Variants in HS3ST4 observed in about 807,000 individuals in gnomAD.
The protein encoded by HS3ST4 is heparan sulfate glucosamine 3-O-sulfotransferase 4.
Under a neutral mutation model 29.2 loss-of-function variants are expected in HS3ST4, and 17 were observed. That is an observed-to-expected ratio of 0.58 (90% confidence interval 0.40 to 0.87). The LOEUF (loss-of-function observed/expected upper bound fraction) is 0.87, where lower values mean the gene tolerates loss of function less well. HS3ST4 is among the 40% of genes least tolerant of loss of function. The probability of loss-of-function intolerance (pLI) is 0.00; values close to 1 mark genes in which losing one functional copy is unlikely to be tolerated. For synonymous variants in HS3ST4, 314 were observed against 285.7 expected (o/e 1.10, Z -1.00); for missense variants, 627 against 634.5 (o/e 0.99, Z 0.13).
intron 1 of HS3ST4, among the ~76,000 whole-genome samples, chr16:26,011,187 T>C (rs1475107369): frequency 2.6e-5 from 4 of 152,244 alleles, no homozygotes; most frequent in Admixed American, 1.3e-4. Context: ...GCCAAGCCAG[T>C]AAGATAAATA....
intron 1 of HS3ST4, among the ~76,000 whole-genome samples, chr16:25,969,504 ACAGT>A (rs1468822632): frequency 3.3e-5 from 5 of 152,194 alleles, no homozygotes; most frequent in Non-Finnish European, 5.9e-5. Flanking sequence ...TCATTGCGAA[ACAGT>A]CAGTGAACAT....
At chr16:26,123,063 A>G (rs918792830) in intron 1 of HS3ST4, among the ~76,000 whole-genome samples, 6 of 151,562 alleles carry the variant, frequency 4.0e-5, no homozygotes, top group Non-Finnish European at 5.9e-5. Context: ...CAAAAAAAAA[A>G]AAAACCGGGG....
At chr16:25,984,746 CT>C (rs1221302323) in intron 1 of HS3ST4, among the ~76,000 whole-genome samples, 1 of 152,210 alleles carries the variant, frequency 6.6e-6, no homozygotes, top group Non-Finnish European at 1.5e-5. Context: ...GGACTTCATA[CT>C]TTTTTACAGC....
chr16:26,047,007 T>TA (rs552543911), intron 1 of HS3ST4, among the ~76,000 whole-genome samples: 49 of 151,078 alleles, frequency 3.2e-4, no homozygotes, highest in East Asian at 5.8e-4. Context: ...TCTTGCAAAA[T>TA]AAAAAAAAAG....
At chr16:25,944,081 T>C (rs1596621737) in intron 1 of HS3ST4, among the ~76,000 whole-genome samples, 1 of 152,284 alleles carries the variant, frequency 6.6e-6, no homozygotes, top group Admixed American at 6.5e-5. Flanking sequence ...CTCTTGTCCC[T>C]AGTTGCTGAT....
At chr16:25,820,977 A>G (rs974234328) in intron 1 of HS3ST4, among the ~76,000 whole-genome samples, 1 of 152,016 alleles carries the variant, frequency 6.6e-6, no homozygotes, top group East Asian at 1.9e-4. Flanking sequence ...GGGCTTTGCT[A>G]TAGCTTTTTT....
chr16:26,064,514 A>C (rs990222107), intron 1 of HS3ST4, among the ~76,000 whole-genome samples: 2 of 151,494 alleles, frequency 1.3e-5, no homozygotes, highest in Non-Finnish European at 2.9e-5. Flanking sequence ...CAGATTAAGG[A>C]GAGACTTGAA....
chr16:26,080,739 A>G (rs548425958), intron 1 of HS3ST4, among the ~76,000 whole-genome samples: 1 of 152,238 alleles, frequency 6.6e-6, no homozygotes, highest in South Asian at 2.1e-4. Context: ...ATTAACTCTA[A>G]GGTACCTCCA....
chr16:26,134,976 A>G lies in HS3ST4; in HGVS notation c.735-636A>G, dbSNP rs117785863. On this transcript the variant is annotated intron_variant, in intron 1 of 1. Transcript: ENST00000331351. ...TTATAAACATTGAAATTTGAATTCT[A>G]TATAATTTTCATGCATCACAAAATA... Among the ~76,000 whole-genome samples, 978 of 152,256 alleles carry G rather than the reference A, an allele frequency of 6.4e-3. 38 individuals are homozygous for G. The highest frequency in any genetic ancestry group is 6.0e-3 in the East Asian group (31 of 5,182).
intron 1 of HS3ST4, among the ~76,000 whole-genome samples, chr16:25,848,460 A>T (rs199793503): frequency 6.7e-6 from 1 of 149,448 alleles, no homozygotes; most frequent in Non-Finnish European, 1.5e-5. Flanking sequence ...CGAAAAAATA[A>T]TTTTTTTTTT....
At chr16:25,870,765 G>T (rs1158463370) in intron 1 of HS3ST4, among the ~76,000 whole-genome samples, 1 of 152,138 alleles carries the variant, frequency 6.6e-6, no homozygotes, top group African/African-American at 2.4e-5. Context: ...GATACCAGTA[G>T]GAAACTCTTG....
At chr16:25,982,901 C>T (rs147428164) in intron 1 of HS3ST4, among the ~76,000 whole-genome samples, 17 of 152,288 alleles carry the variant, frequency 1.1e-4, no homozygotes, top group Non-Finnish European at 2.2e-4. Flanking sequence ...AGTCCTAGTC[C>T]GCAGTCTGAA....
chr16:25,716,704 C>T (rs565391554), intron 1 of HS3ST4, among the ~76,000 whole-genome samples: 31 of 152,324 alleles, frequency 2.0e-4, no homozygotes, highest in African/African-American at 7.2e-4. Context: ...GGCAGAGCAT[C>T]TTATGAAGCC....
At chr16:26,060,754 T>C (rs1443729935) in intron 1 of HS3ST4, among the ~76,000 whole-genome samples, 1 of 152,212 alleles carries the variant, frequency 6.6e-6, no homozygotes, top group East Asian at 1.9e-4. Context: ...CAGCAGTTTC[T>C]ATTTCTCTTT....
intron 1 of HS3ST4, among the ~76,000 whole-genome samples, chr16:25,999,893 TA>T (rs1271036334): frequency 1.1e-4 from 13 of 118,722 alleles, no homozygotes; most frequent in African/African-American, 3.7e-4. Context: ...TATATATATA[TA>T]TTTTATATAT....
At chr16:25,801,337 G>T (rs969424731) in intron 1 of HS3ST4, among the ~76,000 whole-genome samples, 3 of 152,132 alleles carry the variant, frequency 2.0e-5, no homozygotes, top group African/African-American at 7.2e-5. Flanking sequence ...TGTGTAAGTT[G>T]CTTGCAGTTT....
chr16:25,696,389 A>G (rs1778677020), intron 1 of HS3ST4, among the ~76,000 whole-genome samples: 1 of 152,208 alleles, frequency 6.6e-6, no homozygotes, highest in Admixed American at 6.5e-5. Flanking sequence ...CAGAGACAAC[A>G]TGAGCTGTTT....
At chr16:25,900,970 A>G (rs144189582) in intron 1 of HS3ST4, among the ~76,000 whole-genome samples, 243 of 152,286 alleles carry the variant, frequency 1.6e-3, no homozygotes, top group African/African-American at 5.6e-3. Context: ...ATACTCTGCT[A>G]CTGACATTGA....
intron 1 of HS3ST4, among the ~76,000 whole-genome samples, chr16:25,873,064 G>A (rs576321813): frequency 2.6e-5 from 4 of 152,182 alleles, no homozygotes; most frequent in African/African-American, 9.6e-5. Context: ...TGCACTGGCT[G>A]TGCACCTAGA....
Sources: gnomAD v4.1 joint callset for allele counts (sites outside exome capture counted in the v4.1 genomes callset) on GRCh38, gnomAD v4.1.1 for gene constraint, MANE v1.5 for transcripts, NCBI Gene and HGNC (gene_info 2026-07-23, HGNC 2026-07-21) for gene names.